Variants in SORCS3 observed in about 807,000 individuals in gnomAD.
The protein encoded by SORCS3 is sortilin related VPS10 domain containing receptor 3.
SORCS3 carries 57 observed loss-of-function variants against 146.3 expected under a neutral mutation model. The ratio of observed to expected loss-of-function variants is 0.39; its 90% CI spans 0.31 to 0.49. The LOEUF is 0.49. Ranked by LOEUF, SORCS3 falls within the 20% of genes least tolerant of loss-of-function variation. The pLI is 0.92. For synonymous variants in SORCS3, 653 were observed against 618.5 expected, an observed-to-expected ratio of 1.06 and a Z score of -0.83; for missense variants, 1,341 against 1,575.5, an observed-to-expected ratio of 0.85 and a Z score of 2.52.
At chr10:104,965,149 T>C (rs2054819215) in intron 3 of SORCS3, among the ~76,000 whole-genome samples, 1 of 152,244 alleles carries the variant, frequency 6.6e-6, no homozygotes. Flanking sequence ...CTTTTGGCTA[T>C]TGTAAATAAT....
chr10:104,649,435 C>G (rs1012296697), intron 1 of SORCS3, among the ~76,000 whole-genome samples: 1 of 152,186 alleles, frequency 6.6e-6, no homozygotes, highest in African/African-American at 2.4e-5. Flanking sequence ...AGCAAGCACT[C>G]AAGATACTTT....
intron 1 of SORCS3, among the ~76,000 whole-genome samples, chr10:104,815,543 G>A (rs919124568): frequency 7.3e-5 from 11 of 149,906 alleles, no homozygotes; most frequent in African/African-American, 2.7e-4. Flanking sequence ...TTGACATTGA[G>A]ATACAAATTC....
chr10:104,883,831 A>G (rs1444114419), intron 2 of SORCS3, among the ~76,000 whole-genome samples: 2 of 152,166 alleles, frequency 1.3e-5, no homozygotes, highest in Non-Finnish European at 2.9e-5. Flanking sequence ...ATGATTAATT[A>G]GGAAGCTCTT....
intron 4 of SORCS3, among the ~76,000 whole-genome samples, chr10:105,032,963 G>A (rs1881225): frequency 0.21 from 31,447 of 152,052 alleles, 3,515 homozygotes; most frequent in African/African-American, 0.29. Flanking sequence ...AAAGGGTATG[G>A]CTTAATATGA....
intron 22 of SORCS3, among the ~76,000 whole-genome samples, chr10:105,251,389 A>G (rs984439034): frequency 6.6e-6 from 1 of 152,182 alleles, no homozygotes; most frequent in Non-Finnish European, 1.5e-5. Context: ...GGGGATTACT[A>G]TTCAAGGTGA....
intron 19 of SORCS3, chr10:105,217,908 A>G (rs2056675104): frequency 1.4e-4 from 63 of 454,096 alleles, no homozygotes; most frequent in South Asian, 9.8e-4. Context: ...TATCAGTGAT[A>G]TTCGTGGGTC....
intron 12 of SORCS3, among the ~76,000 whole-genome samples, chr10:105,165,597 A>G (rs1260561901): frequency 2.0e-5 from 3 of 152,226 alleles, no homozygotes; most frequent in Non-Finnish European, 4.4e-5. Context: ...TCCTACCCAC[A>G]AGGCCATAAT....
At chr10:105,160,874 A>G (rs1242896876) in intron 11 of SORCS3, among the ~76,000 whole-genome samples, 2 of 152,116 alleles carry the variant, frequency 1.3e-5, no homozygotes, top group Non-Finnish European at 2.9e-5. Context: ...AGGTTTGTGC[A>G]TTTGGCTTAG....
At chr10:104,875,655 T>C (rs757255820) in intron 2 of SORCS3, among the ~76,000 whole-genome samples, 7 of 152,164 alleles carry the variant, frequency 4.6e-5, no homozygotes, top group East Asian at 1.9e-4. Context: ...AAGTTGTGAG[T>C]GAGACCCAGC....
chr10:104,908,497 T>C (rs536939079), intron 2 of SORCS3, among the ~76,000 whole-genome samples: 4 of 152,220 alleles, frequency 2.6e-5, no homozygotes, highest in Non-Finnish European at 4.4e-5. Context: ...TGAATCTGAA[T>C]AACAACAACT....
intron 3 of SORCS3, among the ~76,000 whole-genome samples, chr10:104,924,859 A>G (rs923747449): frequency 6.6e-6 from 1 of 152,132 alleles, no homozygotes; most frequent in Non-Finnish European, 1.5e-5. Flanking sequence ...TGTTCTTAAT[A>G]CTGTCCACTA....
intron 22 of SORCS3, among the ~76,000 whole-genome samples, chr10:105,248,606 C>A (rs187948730): frequency 6.7e-6 from 1 of 149,958 alleles, no homozygotes; most frequent in Non-Finnish European, 1.5e-5. Flanking sequence ...CCCAGCTACT[C>A]GGGAGGCTGA....
At chr10:104,645,988 C>G (rs2015490846) in intron 1 of SORCS3, among the ~76,000 whole-genome samples, 1 of 152,138 alleles carries the variant, frequency 6.6e-6, no homozygotes, top group African/African-American at 2.4e-5. Context: ...AAGAAGCTTG[C>G]CACAGAAGCC....
intron 1 of SORCS3, among the ~76,000 whole-genome samples, chr10:104,797,187 T>C (rs1466753510): frequency 6.6e-6 from 1 of 152,186 alleles, no homozygotes; most frequent in Non-Finnish European, 1.5e-5. Context: ...AATGCAAGAC[T>C]CGGGGCTAAG....
intron 20 of SORCS3, among the ~76,000 whole-genome samples, chr10:105,232,179 T>C (rs2056769390): frequency 6.6e-6 from 1 of 152,158 alleles, no homozygotes; most frequent in African/African-American, 2.4e-5. Context: ...TAGTGTTTTC[T>C]CTTTAGCAAA....
In SORCS3 at chr10:105,147,663, T is replaced by C; in HGVS notation, c.1349T>C (p.Val450Ala). The C allele has an allele frequency of 6.2e-7, 1 of 1,612,964 alleles. No homozygotes were observed. Among genetic ancestry groups the C allele is most frequent in the African/African-American group, 1.3e-5 (1 of 74,954 alleles). ...STDENQVFAA[V>A]QEWNQNDTYN... ...GACGAGAACCAAGTATTTGCTGCGG[T>C]CCAAGAATGGAACCAGAACGACACG... Residue 450 changes from valine to alanine, a missense_variant, in exon 9 of 27, where the codon GTC becomes GCC. Physicochemically the swap from Val to Ala is moderately conservative, Grantham distance 64. Coordinates refer to ENST00000369701, the MANE Select transcript of SORCS3 (RefSeq NM_014978.3).
At position 104,778,371 on chromosome 10, in the gene SORCS3, G is replaced by A. The variant is rs956057229; in HGVS notation, c.628-64421G>A. Among the ~76,000 whole-genome samples the A allele has an allele frequency of 2.0e-5, 3 of 152,214 alleles. No individual in the cohort carries two copies. In the South Asian group the frequency reaches 6.2e-4, roughly 32 times the overall value. ...CCTATTTGGGGAAATAATGGATTCA[G>A]GTGCAGTGTTGGTTGAACATTTGTT... On this transcript the variant is annotated intron_variant, in intron 1 of 26. Coordinates refer to ENST00000369701, the MANE Select transcript of SORCS3 (RefSeq NM_014978.3).
chr10:105,044,247 G>A (rs1229258087), intron 5 of SORCS3, among the ~76,000 whole-genome samples: 1 of 151,990 alleles, frequency 6.6e-6, no homozygotes, highest in Non-Finnish European at 1.5e-5. Flanking sequence ...TCATGCCCCT[G>A]TAGTCCCAGC....
intron 4 of SORCS3, among the ~76,000 whole-genome samples, chr10:105,030,281 G>A (rs892539505): frequency 1.3e-5 from 2 of 152,176 alleles, no homozygotes; most frequent in African/African-American, 4.8e-5. Context: ...CTGTGGTTGA[G>A]TAGGCAGTTC....
Sources: allele counts gnomAD v4.1 joint callset (sites outside exome capture counted in the v4.1 genomes callset), GRCh38; gene constraint gnomAD v4.1.1; transcripts MANE v1.5; gene names NCBI Gene and HGNC (gene_info 2026-07-23, HGNC 2026-07-21).